The following ITGAM variants were observed in gnomAD, a reference collection of about 807,000 sequenced individuals.
ITGAM encodes integrin subunit alpha M.
Under a neutral mutation model 137.5 loss-of-function variants are expected in ITGAM, and 79 were observed. That is an observed-to-expected ratio of 0.57 (90% CI 0.48 to 0.69). The LOEUF (loss-of-function observed/expected upper bound fraction) is 0.69. ITGAM is among the 30% of genes least tolerant of loss of function. The pLI, the probability that ITGAM is intolerant of heterozygous loss-of-function variation, is 0.00. For synonymous variants in ITGAM, 583 were observed against 592.3 expected (o/e 0.98, Z 0.23); for missense variants, 1,343 against 1,483.5 (o/e 0.91, Z 1.56).
chr16:31,274,734 C>A (rs1317529718), intron 8 of ITGAM, among the ~76,000 whole-genome samples: 1 of 152,110 alleles, frequency 6.6e-6, no homozygotes, highest in Non-Finnish European at 1.5e-5. Flanking sequence ...TGTGCCTCAG[C>A]CTCCTGAGTA....
chr16:31,296,781 C>T (rs2080138816), intron 12 of ITGAM, among the ~76,000 whole-genome samples: 3 of 152,102 alleles, frequency 2.0e-5, no homozygotes, highest in East Asian at 1.9e-4. Flanking sequence ...CAATAAGAAA[C>T]ACTTGTTTGT....
At chr16:31,331,557 T>G in intron 29 of ITGAM, 79 bp from the exon 30 acceptor site, 8 of 332,356 alleles carry the variant, frequency 2.4e-5, no homozygotes, top group Non-Finnish European at 3.8e-5. Flanking sequence ...CTGCCGGCCC[T>G]CCCGCCCCCT....
At chr16:31,274,044 C>G (rs2079879887) in intron 8 of ITGAM, among the ~76,000 whole-genome samples, 1 of 152,198 alleles carries the variant, frequency 6.6e-6, no homozygotes, top group African/African-American at 2.4e-5. Context: ...GTGTCACGAG[C>G]AGTGCAAGGT....
intron 28 of ITGAM, 89 bp from the exon 29 acceptor site, chr16:31,331,076 C>T (rs981831945): frequency 1.4e-6 from 1 of 690,590 alleles, no homozygotes; most frequent in Non-Finnish European, 2.6e-6. Context: ...GAGGGGTTCC[C>T]CACTTGATTC....
chr16:31,315,011 C>T (rs1156232606), intron 14 of ITGAM, among the ~76,000 whole-genome samples: 1 of 151,874 alleles, frequency 6.6e-6, no homozygotes, highest in African/African-American at 2.4e-5. Context: ...TGGCATTTCA[C>T]CATGTTGGCC....
At chr16:31,285,619 AG>A (rs549160623) in intron 12 of ITGAM, among the ~76,000 whole-genome samples, 1 of 152,148 alleles carries the variant, frequency 6.6e-6, no homozygotes, top group Admixed American at 6.5e-5. Flanking sequence ...CCTGGATGAC[AG>A]GGCGAGACTT....
At chr16:31,287,196 G>A (rs2080037836) in intron 12 of ITGAM, among the ~76,000 whole-genome samples, 2 of 151,986 alleles carry the variant, frequency 1.3e-5, no homozygotes, top group South Asian at 4.1e-4. Context: ...GTTATAGGTG[G>A]GTGGCTTTAT....
intron 12 of ITGAM, among the ~76,000 whole-genome samples, chr16:31,281,192 T>C (rs1445363903): frequency 6.6e-5 from 10 of 152,186 alleles, no homozygotes; most frequent in Admixed American, 5.2e-4. Flanking sequence ...TTTTTTGTTG[T>C]GTCTCTTCCA....
At chr16:31,305,676 A>T (rs1308061148) in intron 14 of ITGAM, among the ~76,000 whole-genome samples, 1 of 152,102 alleles carries the variant, frequency 6.6e-6, no homozygotes, top group Non-Finnish European at 1.5e-5. Flanking sequence ...TCATAAAGGG[A>T]TGCTGGATTT....
At chr16:31,314,927 C>T (rs542723947) in intron 14 of ITGAM, among the ~76,000 whole-genome samples, 1 of 151,472 alleles carries the variant, frequency 6.6e-6, no homozygotes, top group Admixed American at 6.6e-5. Flanking sequence ...ATTCTCCTGC[C>T]TCAGCCTCCT....
intron 24 of ITGAM, 129 bp from the exon 25 acceptor site, chr16:31,329,669 C>A: frequency 1.4e-6 from 1 of 708,730 alleles, no homozygotes; most frequent in Non-Finnish European, 2.4e-6. Flanking sequence ...TACATGTACA[C>A]TCTACTCTCT....
chr16:31,288,070 A>G (rs1485443041), intron 12 of ITGAM, among the ~76,000 whole-genome samples: 1 of 152,130 alleles, frequency 6.6e-6, no homozygotes, highest in Non-Finnish European at 1.5e-5. Flanking sequence ...TCCTGGTGGA[A>G]GTGGCAGCTA....
chr16:31,296,370 C>T (rs535123267), intron 12 of ITGAM, among the ~76,000 whole-genome samples: 16 of 151,996 alleles, frequency 1.1e-4, no homozygotes, highest in Middle Eastern at 3.4e-3. Flanking sequence ...GCCCTGGCCT[C>T]CCAAAATGCT....
rs1349950809 is a variant in ITGAM, at chr16:31,276,735, C to T, written c.1074C>T (p.Ala358=). The change falls in exon 10 of 30, where the codon GCC becomes GCT. Residue 358 remains alanine (A), a synonymous_variant. Transcript: ENST00000544665. ...TGTCTCAGGAAGGCTTCAGCGCTGCCATCACCTCTGTAAGTGGCCCTTCAT... is the reference window on the plus strand; with the variant it reads ...TGTCTCAGGAAGGCTTCAGCGCTGCTATCACCTCTGTAAGTGGCCCTTCAT... ...HEMSQEGFSA[A]ITSNGPLLST... The T allele has an allele frequency of 1.2e-6, 2 of 1,610,606 alleles. No homozygotes were observed. Among genetic ancestry groups the T allele is most frequent in the African/African-American group, 2.7e-5 (2 of 74,800 alleles).
intron 1 of ITGAM, among the ~76,000 whole-genome samples, chr16:31,260,853 G>A (rs1418347476): frequency 3.3e-5 from 5 of 152,138 alleles, no homozygotes; most frequent in East Asian, 1.9e-4. Context: ...ACTGATAATC[G>A]ATTTGATGAT....
rs547980897 is a variant in ITGAM, at chr16:31,330,418, C to T, written c.3171C>T (p.Ile1057=). The T allele has an allele frequency of 6.2e-7, 1 of 1,612,854 alleles. No homozygotes were observed. The highest frequency in any genetic ancestry group is 8.5e-7 in the Non-Finnish European group (1 of 1,178,758). The change falls in exon 27 of 30, where the codon ATC becomes ATT. Residue 1057 remains isoleucine (I), a synonymous_variant. Transcript: ENST00000544665. ...LKGNLSFDWY[I]KTSHNHLLIV... is the part of the protein sequence containing the mutation. ...GCAACCTCTCGTTTGACTGGTACAT[C>T]AAGGTGTGTGGGGTCCTGAGGCTTC...
chr16:31,324,306 A>C lies in ITGAM; in HGVS notation c.2003-93A>C, dbSNP rs1597037092. Reference sequence around the variant, plus strand: ...AGTCAGATAACATACCCCAAGTCACACAGCTGAGAAGCAGAGGAGCTGGGC... The same window carrying C: ...AGTCAGATAACATACCCCAAGTCACCCAGCTGAGAAGCAGAGGAGCTGGGC... On this transcript the variant is annotated intron_variant, in intron 16 of 29. Transcript: ENST00000544665. This position sits in a 1 kb window ranked among gnomAD's most constrained non-coding sequence, Gnocchi z 4.5. 2.1e-5 allele frequency: 22 copies of C among 1,045,046 alleles called. 1 individual carries two copies. The East Asian group carries it at 5.8e-4, about 27-fold the overall frequency. 64.7% of individuals were successfully genotyped at this position (1,045,046 alleles called of 1,614,324 possible). A position where few individuals can be genotyped will look rare whatever the true frequency, so the allele number is the denominator to read the frequency against.
In ITGAM at chr16:31,324,811, G is replaced by C. The variant is rs1440690002; in HGVS notation, c.2289+29G>C. ...AGTCCAGAGTTGGGGTCCTGCAGGG[G>C]TGTGGAAGAGACCAGAGACCAAGGT... On this transcript the variant is annotated intron_variant, in intron 18 of 29. Coordinates refer to ENST00000544665, the MANE Select transcript of ITGAM (RefSeq NM_000632.4). This position sits in a 1 kb window ranked among gnomAD's most constrained non-coding sequence, Gnocchi z 4.5. 3 of 1,553,582 alleles carry C rather than the reference G, an allele frequency of 1.9e-6. No homozygotes were observed. Among genetic ancestry groups the C allele is most frequent in the East Asian group, 2.2e-5 (1 of 44,540 alleles).
chr16:31,289,929 A>G (rs1233847058), intron 12 of ITGAM, among the ~76,000 whole-genome samples: 1 of 151,920 alleles, frequency 6.6e-6, no homozygotes. Flanking sequence ...TAAAAATACA[A>G]AATTAGCCAG....
Sources: allele counts gnomAD v4.1 joint callset (sites outside exome capture counted in the v4.1 genomes callset), GRCh38; gene constraint gnomAD v4.1.1; non-coding constraint Gnocchi (gnomAD v3.1); transcripts MANE v1.5; gene names NCBI Gene and HGNC (gene_info 2026-07-23, HGNC 2026-07-21).